ABCC1: variants seen among roughly 807,000 people sequenced by gnomAD.
The protein encoded by ABCC1 is multidrug resistance-associated protein 1.
A neutral mutation model predicts 172.9 loss-of-function variants in ABCC1; 83 were observed. That is an observed-to-expected ratio of 0.48 (90% CI 0.40 to 0.58). The LOEUF (loss-of-function observed/expected upper bound fraction) is 0.58. Among genes scored for constraint, ABCC1 ranks in the 20% least tolerant of loss-of-function variants. ABCC1 has a pLI of 0.00. For synonymous variants in ABCC1, 937 were observed against 825.2 expected (o/e 1.14, Z -2.32); for missense variants, 1,817 against 2,002.7 (o/e 0.91, Z 1.77).
chr16:16,095,521 C>G (rs923616904), intron 19 of ABCC1, among the ~76,000 whole-genome samples: 1 of 152,214 alleles, frequency 6.6e-6, no homozygotes, highest in Non-Finnish European at 1.5e-5. Context: ...CCCCCTTACC[C>G]TGCCCCCCGT....
rs762213201 is a variant in ABCC1, at chr16:16,009,764, C to T, written c.226-12C>T. On this transcript the variant is annotated splice_polypyrimidine_tract_variant and intron_variant, in intron 2 of 30. Coordinates refer to ENST00000399410, the MANE Select transcript of ABCC1 (RefSeq NM_004996.4). ...CGGTCTGTTGTAGGATATGTATGTG[C>T]TTCTCTTCCAGGCCTTGGGATTTTT... 5 of 1,597,966 alleles carry T rather than the reference C, an allele frequency of 3.1e-6. No individual in the cohort carries two copies. Among genetic ancestry groups the T allele is most frequent in the Admixed American group, 3.5e-5 (2 of 57,640 alleles).
chr16:15,977,429 GGTCTCACTGTGTTGCC>G (rs1406318203), intron 1 of ABCC1, among the ~76,000 whole-genome samples: 1 of 151,990 alleles, frequency 6.6e-6, no homozygotes, highest in Non-Finnish European at 1.5e-5. Context: ...ACAGAGATGG[GGTCTCACTGTGTTGCC>G]GTCTGTTCTG....
rs374986475 is a variant in ABCC1 at position 16,122,103 on chromosome 16, C to G, written c.3519C>G (p.Arg1173=). 1 of 1,614,072 alleles carries G rather than the reference C, an allele frequency of 6.2e-7. No individual in the cohort carries two copies. Among genetic ancestry groups the G allele is most frequent in the Middle Eastern group, 1.6e-4 (1 of 6,084 alleles). The change falls in exon 24 of 31, where the codon CGC becomes CGG. Residue 1173 remains arginine, a synonymous_variant. Coordinates refer to ENST00000399410, the MANE Select transcript of ABCC1 (RefSeq NM_004996.4). ...SVIRAFEEQE[R]FIHQSDLKVD... ...TTCGAGCCTTCGAGGAGCAGGAGCG[C>G]TTCATCCACCAGAGTGACCTGAAGG...
chr16:16,052,639 G>T (rs549105660), intron 10 of ABCC1, 85 bp from the exon 11 acceptor site: 2 of 1,338,162 alleles, frequency 1.5e-6, no homozygotes, highest in South Asian at 1.2e-5. Flanking sequence ...CAGCATCCAC[G>T]TGGGATGGAT....
Position 16,056,079 on chromosome 16 carries a change from C to G in ABCC1, c.1474-13C>G. 1 of 1,613,184 alleles carries G rather than the reference C, an allele frequency of 6.2e-7. No individual in the cohort carries two copies. The highest frequency in any genetic ancestry group is 8.5e-7 in the Non-Finnish European group (1 of 1,179,216). On this transcript the variant is annotated splice_polypyrimidine_tract_variant and intron_variant, in intron 11 of 30. Transcript: ENST00000399410. ...GGTCGCCCCAGATGTGTTGACTGCCCGTCTCTTCCAAGGTGGCCCACATGA... is the reference window on the plus strand; with the variant it reads ...GGTCGCCCCAGATGTGTTGACTGCCGGTCTCTTCCAAGGTGGCCCACATGA...
At chr16:15,962,220 C>T (rs555345090) in intron 1 of ABCC1, among the ~76,000 whole-genome samples, 2 of 152,234 alleles carry the variant, frequency 1.3e-5, no homozygotes, top group East Asian at 3.9e-4. Flanking sequence ...CAGAAGTGTG[C>T]TTTGGTTTTG....
intron 1 of ABCC1, among the ~76,000 whole-genome samples, chr16:16,002,492 G>A (rs1379609810): frequency 6.6e-6 from 1 of 152,130 alleles, no homozygotes; most frequent in Admixed American, 6.6e-5. Flanking sequence ...GTTTCCAAAG[G>A]CTGTGTGCGG....
At chr16:16,080,804 CTG>C (rs1299144465) in intron 16 of ABCC1, among the ~76,000 whole-genome samples, 21 of 152,188 alleles carry the variant, frequency 1.4e-4, no homozygotes, top group Non-Finnish European at 1.5e-5. Flanking sequence ...TCTTTAGTGT[CTG>C]TGCAACTGCA....
At chr16:16,057,549 TACAG>T (rs912371825) in intron 12 of ABCC1, among the ~76,000 whole-genome samples, 4 of 146,372 alleles carry the variant, frequency 2.7e-5, no homozygotes, top group African/African-American at 7.6e-5. Flanking sequence ...AAAAAAAAAA[TACAG>T]AAAGATATAA....
chr16:16,007,869 G>A lies in ABCC1; in HGVS notation c.102G>A (p.Gln34=). The A allele has an allele frequency of 3.7e-6, 6 of 1,613,594 alleles. No individual in the cohort carries two copies. Among genetic ancestry groups the A allele is most frequent in the Non-Finnish European group, 5.1e-6 (6 of 1,179,838 alleles). The change falls in exon 2 of 31, where the codon CAG becomes CAA. Residue 34 remains glutamine, a synonymous_variant. Transcript: ENST00000399410. The stretch of plus-strand genomic sequence containing the variant: ...ACCCCGACTTCACCAAGTGCTTTCA[G>A]AACACGGTCCTCGTGTGGGTGCCTT... ...TSNPDFTKCF[Q]NTVLVWVPCF...
chr16:15,989,418 G>A lies in ABCC1; in HGVS notation c.49-18398G>A, dbSNP rs79212421. Among the ~76,000 whole-genome samples, 425 of 152,292 alleles carry A rather than the reference G, an allele frequency of 2.8e-3. 2 individuals are homozygous for A. Among genetic ancestry groups the A allele is most frequent in the East Asian group, 0.023 (120 of 5,170 alleles). ...GCTGGGAGACTTTAGCCTTTCTCCA[G>A]ATGTTTTCAGGAGTGCGGTGGGGAA... On this transcript the variant is annotated intron_variant, in intron 1 of 30. Coordinates refer to ENST00000399410, the MANE Select transcript of ABCC1 (RefSeq NM_004996.4).
intron 23 of ABCC1, among the ~76,000 whole-genome samples, 185 bp from the exon 24 acceptor site, chr16:16,121,790 G>A (rs45569038): frequency 1.1e-3 from 175 of 152,306 alleles, no homozygotes; most frequent in African/African-American, 3.7e-3. Flanking sequence ...CACTGTCCTT[G>A]TCATTGGTGG....
chr16:15,980,450 CTT>C (rs1231001213), intron 1 of ABCC1, among the ~76,000 whole-genome samples: 1 of 152,086 alleles, frequency 6.6e-6, no homozygotes, highest in African/African-American at 2.4e-5. Context: ...CCTCAGGAAA[CTT>C]ATACTCACAG....
upstream of ABCC1, chr16:15,949,499 G>C (rs1237821630): frequency 1.4e-5 from 2 of 142,048 alleles, no homozygotes; most frequent in Non-Finnish European, 3.1e-5. Flanking sequence ...TGCCCACGCC[G>C]AGACGCGCGA....
At chr16:16,093,027 G>T (rs1270637053) in intron 19 of ABCC1, among the ~76,000 whole-genome samples, 1 of 152,210 alleles carries the variant, frequency 6.6e-6, no homozygotes, top group African/African-American at 2.4e-5. Flanking sequence ...GCCAGTGCAT[G>T]ATAGCTGACA....
At chr16:16,056,884 C>T (rs2049679773) in intron 12 of ABCC1, among the ~76,000 whole-genome samples, 1 of 152,102 alleles carries the variant, frequency 6.6e-6, no homozygotes, top group South Asian at 2.1e-4. Context: ...GATAGCCTTG[C>T]AAGACAAAAA....
intron 5 of ABCC1, among the ~76,000 whole-genome samples, chr16:16,024,892 A>G (rs1327410350): frequency 6.6e-6 from 1 of 152,146 alleles, no homozygotes; most frequent in Non-Finnish European, 1.5e-5. Context: ...CAAAAACCAG[A>G]AAAAGGGCCA....
At chr16:16,109,429 G>A (rs193135583) in intron 21 of ABCC1, among the ~76,000 whole-genome samples, 153 of 152,182 alleles carry the variant, frequency 1.0e-3, no homozygotes, top group Non-Finnish European at 1.5e-3. Flanking sequence ...GTCCTGCCTT[G>A]GCCTCCCAAA....
intron 20 of ABCC1, 36 bp from the exon 21 acceptor site, chr16:16,106,702 C>G: frequency 6.2e-7 from 1 of 1,613,396 alleles, no homozygotes. Context: ...CCCAAGGCAT[C>G]TGTACGGTTG....
Sources: gnomAD v4.1 joint callset for allele counts (sites outside exome capture counted in the v4.1 genomes callset) on GRCh38, gnomAD v4.1.1 for gene constraint, MANE v1.5 for transcripts, NCBI Gene and HGNC (gene_info 2026-07-23, HGNC 2026-07-21) for gene names.